The following LYST variants were observed in gnomAD, a reference collection of about 807,000 sequenced individuals.
LYST encodes the protein lysosomal trafficking regulator.
In LYST, 192 loss-of-function variants were observed where a neutral mutation model predicts 413.6. The ratio of observed to expected loss-of-function variants is 0.46; its 90% CI spans 0.41 to 0.52. The LOEUF is 0.52. Among genes scored for constraint, LYST ranks in the 20% least tolerant of loss-of-function variants. The pLI, the probability that LYST is intolerant of heterozygous loss-of-function variation, is 0.00. For synonymous variants in LYST, 1,525 were observed against 1,567.3 expected, an observed-to-expected ratio of 0.97 and a Z score of 0.64; for missense variants, 3,815 against 4,499.9, an observed-to-expected ratio of 0.85 and a Z score of 4.35.
At chr1:235,735,581 A>G (rs890469466) in intron 31 of LYST, 13 of 152,142 alleles carry the variant, frequency 8.5e-5, no homozygotes, top group Non-Finnish European at 1.6e-4. Flanking sequence ...TATTTAGACA[A>G]TAATGTTGCC....
At chr1:235,783,551 T>G (rs139697440) in intron 14 of LYST, among the ~76,000 whole-genome samples, 1 of 152,086 alleles carries the variant, frequency 6.6e-6, no homozygotes, top group South Asian at 2.1e-4. Context: ...AAAACCTAGA[T>G]GACGGGTTGA....
intron 34 of LYST, 81 bp downstream of exon 34, chr1:235,733,422 A>G (rs972969943): frequency 3.3e-6 from 4 of 1,220,130 alleles, no homozygotes; most frequent in Non-Finnish European, 4.8e-6. Context: ...ATGAGTCTGA[A>G]TTCCGGAATA....
In LYST at chr1:235,729,661, T is replaced by C. The variant is rs769310836; in HGVS notation, c.9045-4A>G. ...ACTGATGCATCTTCGATTCACTCTG[T>C]CAAAACATATTTAAAATTACTATGA... On this transcript the variant is annotated splice_polypyrimidine_tract_variant and splice_region_variant and intron_variant, in intron 36 of 52. Coordinates refer to ENST00000389793, the MANE Select transcript of LYST (RefSeq NM_000081.4). 8.1e-6 allele frequency: 13 copies of C among 1,595,224 alleles called. No homozygotes were observed. Among genetic ancestry groups the C allele is most frequent in the East Asian group, 2.2e-5 (1 of 44,692 alleles).
chr1:235,768,414 C>T (rs1294701554), intron 20 of LYST, among the ~76,000 whole-genome samples: 1 of 152,064 alleles, frequency 6.6e-6, no homozygotes. Flanking sequence ...AACTGCCTTA[C>T]ATCCAATATA....
chr1:235,690,969 T>G (rs1324119618), intron 47 of LYST, among the ~76,000 whole-genome samples: 1 of 151,392 alleles, frequency 6.6e-6, no homozygotes, highest in South Asian at 2.1e-4. Flanking sequence ...CAGGCTGGAG[T>G]GCAGTGGTGC....
At chr1:235,820,776 T>C (rs1333079438) in intron 3 of LYST, among the ~76,000 whole-genome samples, 1 of 152,250 alleles carries the variant, frequency 6.6e-6, no homozygotes, top group Non-Finnish European at 1.5e-5. Flanking sequence ...ATTTAAGTCC[T>C]TTATTTCTTC....
chr1:235,844,915 C>T (rs1180643549), intron 1 of LYST, among the ~76,000 whole-genome samples: 2 of 152,090 alleles, frequency 1.3e-5, no homozygotes, highest in Admixed American at 6.6e-5. Flanking sequence ...TTAGTCAATA[C>T]TAGATGTGTT....
intron 21 of LYST, among the ~76,000 whole-genome samples, chr1:235,764,495 CTTTTTTTTTTTTTT>C (rs1020736833): frequency 2.0e-5 from 2 of 97,948 alleles, no homozygotes; most frequent in African/African-American, 4.5e-5. Flanking sequence ...TTTTTCTTTT[CTTTTTTTTTTTTTT>C]TTTTTTTGAG....
rs942358349 is a variant in LYST, at chr1:235,665,159, A to C, written c.11039-538T>G. Reference sequence around the variant, plus strand: ...CCAGCGAAAAAATAAAAATAAGAAGAAGCAATCTATGTGTACAGTAACAAG... The same window carrying C: ...CCAGCGAAAAAATAAAAATAAGAAGCAGCAATCTATGTGTACAGTAACAAG... On this transcript the variant is annotated intron_variant, in intron 50 of 52. Coordinates refer to ENST00000389793, the MANE Select transcript of LYST (RefSeq NM_000081.4). Among the ~76,000 whole-genome samples the C allele has an allele frequency of 3.3e-5, 5 of 152,192 alleles. No individual in the cohort carries two copies. In the East Asian group the frequency reaches 5.8e-4, roughly 18 times the overall value.
At chr1:235,823,886 C>T (rs551508015) in intron 3 of LYST, among the ~76,000 whole-genome samples, 3 of 152,196 alleles carry the variant, frequency 2.0e-5, no homozygotes, top group Non-Finnish European at 4.4e-5. Flanking sequence ...TCTTCAAAAG[C>T]GAAGAGCTCC....
At chr1:235,671,322 T>C (rs1658925214) in intron 50 of LYST, among the ~76,000 whole-genome samples, 2 of 152,210 alleles carry the variant, frequency 1.3e-5, no homozygotes, top group South Asian at 4.1e-4. Flanking sequence ...CTGCTATAAA[T>C]AAAAGGCAGG....
rs368095341 is a variant in LYST at position 235,830,269 on chromosome 1, C to T, written c.149G>A (p.Arg50Gln). 9.1e-5 allele frequency: 147 copies of T among 1,613,786 alleles called. No individual in the cohort carries two copies. The highest frequency in any genetic ancestry group is 1.1e-4 in the Non-Finnish European group (132 of 1,179,896). The change falls in exon 3 of 53, where the codon CGA becomes CAA. Residue 50 changes from arginine to glutamine, a missense_variant. Arg to Gln is a conservative substitution (Grantham distance 43). This residue lies in a region of LYST where 1,648 missense variants were observed against 1,810.3 expected (regional missense o/e 0.91). Coordinates refer to ENST00000389793, the MANE Select transcript of LYST (RefSeq NM_000081.4). ...ATLGQYLVHGRGFLLLTKLNS... is the reference protein window; with the variant it reads ...ATLGQYLVHGQGFLLLTKLNS... ...TAGCTTGGTAAGTAATAGAAATCCT[C>T]GACCATGGACAAGGTACTGTCCAAG...
In LYST at chr1:235,663,047, A is replaced by G. The variant is rs1253169967; in HGVS notation, c.11299T>C (p.Tyr3767His). 1.9e-6 allele frequency: 3 copies of G among 1,613,572 alleles called. No individual in the cohort carries two copies. Among genetic ancestry groups the G allele is most frequent in the Non-Finnish European group, 2.5e-6 (3 of 1,179,796 alleles). Residue 3767 changes from tyrosine to histidine, a missense_variant, in exon 53 of 53, where the codon TAC (tyrosine) becomes CAC (histidine). Tyr to His is a moderately conservative substitution (Grantham distance 83, BLOSUM62 2). Around this residue, in one of 4 missense-constraint regions of LYST, gnomAD observed 866 missense variants for 1,156.0 expected, o/e 0.75. Coordinates refer to ENST00000389793, the MANE Select transcript of LYST (RefSeq NM_000081.4). ...ACGGTCCCATCACTGTTTGCTGTGT[A>G]CAAATGGTGGCCATCACAAGAAAAT... Reference protein sequence around the residue: ...LTFSCDGHHLYTANSDGTVIA... With the variant: ...LTFSCDGHHLHTANSDGTVIA...
At chr1:235,700,864 T>C (rs1215355391) in intron 45 of LYST, among the ~76,000 whole-genome samples, 1 of 152,208 alleles carries the variant, frequency 6.6e-6, no homozygotes, top group Non-Finnish European at 1.5e-5. Context: ...CTTGTGTTTA[T>C]GGAGTTACAT....
At chr1:235,748,168 G>C (rs1666108349) in intron 28 of LYST, among the ~76,000 whole-genome samples, 1 of 152,066 alleles carries the variant, frequency 6.6e-6, no homozygotes, top group Non-Finnish European at 1.5e-5. Context: ...GAAATATAAA[G>C]TTCATTTGTA....
intron 40 of LYST, 50 bp downstream of exon 40, chr1:235,720,611 T>C (rs1312110162): frequency 1.3e-6 from 2 of 1,587,018 alleles, no homozygotes; most frequent in Non-Finnish European, 1.7e-6. Flanking sequence ...AATAAAGAAA[T>C]ACAACATATG....
At chr1:235,742,410 G>A (rs1397060785) in intron 30 of LYST, among the ~76,000 whole-genome samples, 1 of 151,450 alleles carries the variant, frequency 6.6e-6, no homozygotes, top group Non-Finnish European at 1.5e-5. Flanking sequence ...AGTTGAGACT[G>A]GGCCACTGCA....
intron 1 of LYST, among the ~76,000 whole-genome samples, chr1:235,872,338 G>A (rs992146318): frequency 2.7e-5 from 4 of 148,760 alleles, no homozygotes; most frequent in Middle Eastern, 7.0e-3. Context: ...TAACATGGAA[G>A]ACTTCAGAAA....
rs527573071 is a variant in LYST at position 235,744,242 on chromosome 1, T to C, written c.7973-85A>G. ...ATAGTAATAATACTGGTAAAAAATATTGTATTTAATTACTAATTCAGTTAT... is the reference window on the plus strand; with the variant it reads ...ATAGTAATAATACTGGTAAAAAATACTGTATTTAATTACTAATTCAGTTAT... On this transcript the variant is annotated intron_variant, in intron 29 of 52. Transcript: ENST00000389793. The C allele has an allele frequency of 1.1e-5, 8 of 731,436 alleles. No individual in the cohort carries two copies. The African/African-American group carries it at 1.4e-4, about 13-fold the overall frequency. The allele number at this position is 731,436 out of a possible 1,614,324, so 45.3% of individuals were successfully genotyped here. A position where few individuals can be genotyped will look rare whatever the true frequency, so the allele number is the denominator to read the frequency against.
Sources: allele counts gnomAD v4.1 joint callset (sites outside exome capture counted in the v4.1 genomes callset), GRCh38; gene constraint gnomAD v4.1.1; regional missense constraint gnomAD v4.1.1; transcripts MANE v1.5; gene names NCBI Gene and HGNC (gene_info 2026-07-23, HGNC 2026-07-21).